The following ESR1 variants were observed in gnomAD, a reference collection of about 807,000 sequenced individuals.
ESR1 encodes the protein estrogen receptor 1.
ESR1 carries 12 observed loss-of-function variants against 52.7 expected under a neutral mutation model. The observed-to-expected ratio is 0.23, with a 90% CI of 0.15 to 0.37. The LOEUF is 0.37. ESR1 is among the 10% of genes least tolerant of loss of function. The pLI is 1.00. For missense variants in ESR1, 584 were observed against 779.7 expected (o/e 0.75, Z 2.99); for synonymous variants, 305 against 316.8 (o/e 0.96, Z 0.39).
chr6:151,974,898 A>G (rs1226640423), intron 4 of ESR1, among the ~76,000 whole-genome samples: 3 of 152,038 alleles, frequency 2.0e-5, no homozygotes, highest in Non-Finnish European at 4.4e-5. Context: ...TACGTGTTTG[A>G]TCTGTTGTTC....
intron 5 of ESR1, among the ~76,000 whole-genome samples, chr6:152,043,410 T>C (rs2045964883): frequency 1.3e-5 from 2 of 152,256 alleles, no homozygotes. Flanking sequence ...GTTCTCCAGA[T>C]TTCTGCTTAT....
At chr6:151,715,246 C>G (rs544486937) in intron 2 of ESR1, among the ~76,000 whole-genome samples, 24 of 152,316 alleles carry the variant, frequency 1.6e-4, no homozygotes, top group South Asian at 1.0e-3. Context: ...GTAACACGAC[C>G]TTTCTCTCTG....
At chr6:151,784,097 G>A (rs1459518342) in intron 2 of ESR1, among the ~76,000 whole-genome samples, 1 of 152,172 alleles carries the variant, frequency 6.6e-6, no homozygotes, top group Admixed American at 6.5e-5. Context: ...TATTTGTCTA[G>A]TTTCTCCTCT....
chr6:151,993,735 T>C (rs2041237433), intron 4 of ESR1, among the ~76,000 whole-genome samples: 1 of 152,216 alleles, frequency 6.6e-6, no homozygotes, highest in Admixed American at 6.5e-5. Context: ...TGGGTGTTAC[T>C]GTCCTCATTG....
At chr6:152,000,108 A>C (rs538796171) in intron 4 of ESR1, among the ~76,000 whole-genome samples, 38 of 152,048 alleles carry the variant, frequency 2.5e-4, no homozygotes, top group Admixed American at 2.6e-4. Flanking sequence ...TTTTCCAGGG[A>C]ATGTGATAGA....
chr6:152,037,250 G>T (rs1466162560), intron 5 of ESR1, among the ~76,000 whole-genome samples: 1 of 152,074 alleles, frequency 6.6e-6, no homozygotes, highest in Non-Finnish European at 1.5e-5. Context: ...GAGTGAGCAT[G>T]CAAAAGAGAG....
chr6:151,860,260 G>T (rs1291388662), intron 2 of ESR1, among the ~76,000 whole-genome samples: 1 of 152,006 alleles, frequency 6.6e-6, no homozygotes, highest in African/African-American at 2.4e-5. Flanking sequence ...TATCATTTTT[G>T]GGGGGCATGG....
intron 2 of ESR1, among the ~76,000 whole-genome samples, chr6:151,706,986 G>T (rs541362022): frequency 6.6e-6 from 1 of 152,248 alleles, no homozygotes; most frequent in East Asian, 1.9e-4. Context: ...TTGCTAGAGG[G>T]CTGTGCTTCG....
chr6:151,931,725 A>C (rs2128486819), intron 3 of ESR1, among the ~76,000 whole-genome samples: 1 of 146,462 alleles, frequency 6.8e-6, no homozygotes, highest in East Asian at 2.0e-4. Context: ...TTCTTGCGAT[A>C]GTTTACTGAG....
At chr6:152,002,609 G>C (rs2042043386) in intron 4 of ESR1, among the ~76,000 whole-genome samples, 1 of 151,958 alleles carries the variant, frequency 6.6e-6, no homozygotes, top group Non-Finnish European at 1.5e-5. Context: ...GCACTTAAAA[G>C]GGCAGTCTTA....
chr6:151,969,290 A>G (rs1292665092), intron 4 of ESR1, among the ~76,000 whole-genome samples: 1 of 152,162 alleles, frequency 6.6e-6, no homozygotes, highest in Admixed American at 6.5e-5. Flanking sequence ...GAACTTGATT[A>G]TTATACCATC....
chr6:151,999,565 G>A (rs2041788101), intron 4 of ESR1, among the ~76,000 whole-genome samples: 2 of 152,128 alleles, frequency 1.3e-5, no homozygotes, highest in Non-Finnish European at 2.9e-5. Flanking sequence ...AAGAAAAGCA[G>A]GAGATGGGGA....
At chr6:151,908,865 T>C (rs922078862) in intron 3 of ESR1, among the ~76,000 whole-genome samples, 39 of 151,420 alleles carry the variant, frequency 2.6e-4, no homozygotes, top group Admixed American at 2.2e-3. Flanking sequence ...GATGATTTTA[T>C]GTTTAAAGCA....
At chr6:151,783,511 T>C (rs2128124302) in intron 2 of ESR1, among the ~76,000 whole-genome samples, 1 of 152,376 alleles carries the variant, frequency 6.6e-6, no homozygotes, top group African/African-American at 2.4e-5. Context: ...AATCTCTGTA[T>C]GTGCCTATTT....
chr6:152,122,773 C>A (rs1038939557), intron 6 of ESR1: 1 of 1,577,774 alleles, frequency 6.3e-7, no homozygotes, highest in Non-Finnish European at 8.6e-7. Flanking sequence ...AAGGGCCATG[C>A]CAAGCACACC....
At chr6:151,671,332 G>A (rs1244690397) in intron 1 of ESR1, among the ~76,000 whole-genome samples, 1 of 152,196 alleles carries the variant, frequency 6.6e-6, no homozygotes, top group Non-Finnish European at 1.5e-5. Context: ...TGTATACACT[G>A]TGGAATACTA....
intron 4 of ESR1, among the ~76,000 whole-genome samples, chr6:152,010,995 T>C (rs9340969): frequency 0.38 from 58,265 of 151,652 alleles, 13,027 homozygotes; most frequent in African/African-American, 0.61. Context: ...AACCACAATA[T>C]TATCAGTAAT....
chr6:151,685,432 C>A (rs965702230), intron 1 of ESR1, among the ~76,000 whole-genome samples: 3 of 152,200 alleles, frequency 2.0e-5, no homozygotes, highest in African/African-American at 7.2e-5. Flanking sequence ...CGCGCCCGGC[C>A]ACTGGCCTCT....
At chr6:151,673,799 T>C (rs1391440311) in intron 1 of ESR1, among the ~76,000 whole-genome samples, 1 of 152,098 alleles carries the variant, frequency 6.6e-6, no homozygotes, top group East Asian at 1.9e-4. Context: ...GGAGGATCAC[T>C]TGAGCCCAGG....
Sources: allele counts gnomAD v4.1 joint callset (sites outside exome capture counted in the v4.1 genomes callset), GRCh38; gene constraint gnomAD v4.1.1; transcripts MANE v1.5; gene names NCBI Gene and HGNC (gene_info 2026-07-23, HGNC 2026-07-21).